AEBP1: variants seen among roughly 807,000 people sequenced by gnomAD.
The protein encoded by AEBP1 is adipocyte enhancer-binding protein 1.
A neutral mutation model predicts 116.5 loss-of-function variants in AEBP1; 69 were observed. That is an observed-to-expected ratio of 0.59 (90% CI 0.49 to 0.72). AEBP1 has a LOEUF of 0.72. AEBP1 is among the 30% of genes least tolerant of loss of function. The probability of loss-of-function intolerance (pLI) is 0.00; values close to 1 mark genes in which losing one functional copy is unlikely to be tolerated. For missense variants in AEBP1, 1,444 were observed against 1,557.5 expected (o/e 0.93, Z 1.23); for synonymous variants, 627 against 627.3 (o/e 1.00, Z 0.01).
At position 44,108,209 on chromosome 7, in the gene AEBP1, C is replaced by T. The variant is rs2096225175; in HGVS notation, c.940+125C>T. ...ACCCCACCTGTGCCCGTGGTTACCTCGCTGTCCCTGCTGTCCCTGCGTGCC... is the reference window on the plus strand; with the variant it reads ...ACCCCACCTGTGCCCGTGGTTACCTTGCTGTCCCTGCTGTCCCTGCGTGCC... On this transcript the variant is annotated intron_variant, in intron 6 of 20. Coordinates refer to ENST00000223357, the MANE Select transcript of AEBP1 (RefSeq NM_001129.5). This position sits in a 1 kb window ranked among gnomAD's most constrained non-coding sequence, Gnocchi z 5.0. 3 of 929,654 alleles carry T rather than the reference C, an allele frequency of 3.2e-6. No individual in the cohort carries two copies. The highest frequency in any genetic ancestry group is 1.6e-5 in the African/African-American group (1 of 61,408). The allele number at this position is 929,654 out of a possible 1,614,324, so 57.6% of individuals were successfully genotyped here.
rs373271692 is a variant in AEBP1 at position 44,111,129 on chromosome 7, A to G, written c.1631-25A>G. 1.3e-5 allele frequency: 21 copies of G among 1,570,664 alleles called. No homozygotes were observed. Among genetic ancestry groups the G allele is most frequent in the Non-Finnish European group, 1.6e-5 (18 of 1,155,474 alleles). On this transcript the variant is annotated intron_variant, in intron 13 of 20. Coordinates refer to ENST00000223357, the MANE Select transcript of AEBP1 (RefSeq NM_001129.5). The surrounding 1 kb of genome is among the most constrained non-coding windows in gnomAD (Gnocchi z 4.7). ...AGGGTGGGCCAGCCGGCACCCAGCTAAAGACAACCCCGCCTCCCTTGCAGC... is the reference window on the plus strand; with the variant it reads ...AGGGTGGGCCAGCCGGCACCCAGCTGAAGACAACCCCGCCTCCCTTGCAGC...
chr7:44,110,827 G>T lies in AEBP1; in HGVS notation c.1485+18G>T. 6.3e-7 allele frequency: 1 copy of T among 1,591,402 alleles called. No homozygotes were observed. The highest frequency in any genetic ancestry group is 2.3e-5 in the East Asian group (1 of 44,438). On this transcript the variant is annotated intron_variant, in intron 12 of 20. Coordinates refer to ENST00000223357, the MANE Select transcript of AEBP1 (RefSeq NM_001129.5). The stretch of plus-strand genomic sequence containing the variant: ...AGGAAATGGTGGGCACCATGCCCAG[G>T]CTCTTGGCTCTGCTCCCATTGTCTG...
rs1172666417 is a variant in AEBP1 at position 44,107,735 on chromosome 7, A to G, written c.739+35A>G. ...GTCCTGCCAGCCCCACCTGGGTCGG[A>G]CCCCTGGCCTGGGGGATGTGCCAAT... On this transcript the variant is annotated intron_variant, in intron 4 of 20. Coordinates refer to ENST00000223357, the MANE Select transcript of AEBP1 (RefSeq NM_001129.5). The surrounding 1 kb of genome is among the most constrained non-coding windows in gnomAD (Gnocchi z 4.3). 3 of 1,612,696 alleles carry G rather than the reference A, an allele frequency of 1.9e-6. No individual in the cohort carries two copies. Among genetic ancestry groups the G allele is most frequent in the South Asian group, 2.2e-5 (2 of 91,054 alleles).
rs1583556567 is a variant in AEBP1, at chr7:44,113,482, T to G, written c.2810-112T>G. 1.8e-5 allele frequency: 13 copies of G among 730,836 alleles called. No homozygotes were observed. Among genetic ancestry groups the G allele is most frequent in the Admixed American group, 5.2e-5 (1 of 19,104 alleles). 45.3% of individuals were successfully genotyped at this position (730,836 alleles called of 1,614,324 possible). The stretch of plus-strand genomic sequence containing the variant: ...GGCGAAATTCAGAGAGGGAGGGCGG[T>G]GCTGGGGGCGGGAACTCAGAGGGGG... On this transcript the variant is annotated intron_variant, in intron 20 of 20. Transcript: ENST00000223357. This position sits in a 1 kb window ranked among gnomAD's most constrained non-coding sequence, Gnocchi z 5.3.
chr7:44,108,953 C>A lies in AEBP1; in HGVS notation c.995C>A (p.Thr332Lys), dbSNP rs532526583. Residue 332 changes from threonine (T) to lysine (K), a missense_variant, in exon 7 of 21, where the codon ACA becomes AAA. Transcript: ENST00000223357. The surrounding 1 kb of genome is among the most constrained non-coding windows in gnomAD (Gnocchi z 5.0). ...CAGAAGCCCGATGCTGAGCGCCAGA[C>A]AGACGAAGAGAAGGAGGAGCTGAGT... ...PPQKPDAERQ[T>K]DEEKEELKKP... 20 of 1,603,142 alleles carry A rather than the reference C, an allele frequency of 1.2e-5. No homozygotes were observed. The highest frequency in any genetic ancestry group is 1.6e-5 in the Non-Finnish European group (19 of 1,175,690).
chr7:44,111,916 T>C lies in AEBP1; in HGVS notation c.1903T>C (p.Leu635=). 1 of 1,613,818 alleles carries C rather than the reference T, an allele frequency of 6.2e-7. No individual in the cohort carries two copies. Among genetic ancestry groups the C allele is most frequent in the African/African-American group, 1.3e-5 (1 of 75,048 alleles). Residue 635 remains leucine, a synonymous_variant, in exon 16 of 21, where the codon TTG becomes CTG. Coordinates refer to ENST00000223357, the MANE Select transcript of AEBP1 (RefSeq NM_001129.5). The surrounding 1 kb of genome is among the most constrained non-coding windows in gnomAD (Gnocchi z 4.7). ...HGNEVLGREL[L]LLLMQYLCRE... is the part of the protein sequence containing the mutation. ...CAACGAGGTGCTGGGCCGAGAGCTG[T>C]TGCTGCTGCTCATGCAGTACCTGTG...
Position 44,114,535 on chromosome 7 carries a change from C to A in AEBP1, c.*274C>A. 1.6e-6 allele frequency: 1 copy of A among 618,648 alleles called. No homozygotes were observed. The highest frequency in any genetic ancestry group is 2.8e-6 in the Non-Finnish European group (1 of 355,466). The allele number at this position is 618,648 out of a possible 1,614,324, so 38.3% of individuals were successfully genotyped here. A position where few individuals can be genotyped will look rare whatever the true frequency, so the allele number is the denominator to read the frequency against. On this transcript the variant is annotated 3_prime_UTR_variant, in exon 21 of 21. Transcript: ENST00000223357. Reference sequence around the variant, plus strand: ...AGGGGCAGAGGGAGGGAGCCAAGGTCACTCCAATAAAACAAGCTCATGGCA... The same window carrying A: ...AGGGGCAGAGGGAGGGAGCCAAGGTAACTCCAATAAAACAAGCTCATGGCA...
At chr7:44,106,914 T>TG (rs1422037582) in intron 2 of AEBP1, 27 bp downstream of exon 2, 53 of 1,493,396 alleles carry the variant, frequency 3.5e-5, no homozygotes, top group Non-Finnish European at 4.6e-5. Flanking sequence ...TCTGGGGTGA[T>TG]GGGGCTCTGA....
chr7:44,112,264 C>G lies in AEBP1; in HGVS notation c.2160C>G (p.Tyr720Ter). 1 of 1,595,084 alleles carries G rather than the reference C, an allele frequency of 6.3e-7. No individual in the cohort carries two copies. Among genetic ancestry groups the G allele is most frequent in the Non-Finnish European group, 8.6e-7 (1 of 1,168,036 alleles). ...CTGAGGAGAGGAAATGGGTCCCCTA[C>G]CGGGTCCCCAACAATAACTTGCCCA... ...WGAEERKWVPYRVPNNNLPIP... is the reference protein window; with the variant it reads ...WGAEERKWVP The change falls in exon 17 of 21, where the codon TAC (tyrosine) becomes TAG (stop). Residue 720 changes from tyrosine to a stop codon, truncating the protein, a stop_gained. Coordinates refer to ENST00000223357, the MANE Select transcript of AEBP1 (RefSeq NM_001129.5). LOFTEE classifies it high-confidence loss of function. This position sits in a 1 kb window ranked among gnomAD's most constrained non-coding sequence, Gnocchi z 6.6.
In AEBP1 at chr7:44,107,673, C is replaced by A. The variant is rs142763648; in HGVS notation, c.712C>A (p.Gln238Lys). The change falls in exon 4 of 21, where the codon CAG (glutamine) becomes AAG (lysine). Residue 238 changes from glutamine (Q) to lysine (K), a missense_variant. By Grantham distance (53) the Gln-to-Lys change is moderately conservative (BLOSUM62 1). Coordinates refer to ENST00000223357, the MANE Select transcript of AEBP1 (RefSeq NM_001129.5). The surrounding 1 kb of genome is among the most constrained non-coding windows in gnomAD (Gnocchi z 4.3). ...TEQPTLDYND[Q>K]IEREDYEDFE... Reference sequence around the variant, plus strand: ...GCAACCCACACTGGACTACAATGACCAGATCGAGAGGGAGGACTATGAGGA... The same window carrying A: ...GCAACCCACACTGGACTACAATGACAAGATCGAGAGGGAGGACTATGAGGA... 3.7e-5 allele frequency: 59 copies of A among 1,613,548 alleles called. No homozygotes were observed. The highest frequency in any genetic ancestry group is 4.9e-5 in the Non-Finnish European group (58 of 1,179,958).
chr7:44,110,485 C>A, intron 11 of AEBP1, 139 bp downstream of exon 11: 1 of 1,308,948 alleles, frequency 7.6e-7, no homozygotes, highest in Non-Finnish European at 1.0e-6. Context: ...GGGACTCACC[C>A]TGCCCATCCC....
rs1168702609 is a variant in AEBP1 at position 44,113,073 on chromosome 7, T to C, written c.2652T>C (p.Ser884=). The C allele has an allele frequency of 6.2e-7, 1 of 1,613,750 alleles. No individual in the cohort carries two copies. The highest frequency in any genetic ancestry group is 1.3e-5 in the African/African-American group (1 of 74,824). Residue 884 remains serine (S), a synonymous_variant, in exon 19 of 21, where the codon AGT becomes AGC. Coordinates refer to ENST00000223357, the MANE Select transcript of AEBP1 (RefSeq NM_001129.5). The surrounding 1 kb of genome is among the most constrained non-coding windows in gnomAD (Gnocchi z 5.3). ...GCTGTGACAAGTTCCCTCATGAGAG[T>C]GAGCTGCCCCGCGAGTGGGAGAACA... ...YLGCDKFPHE[S]ELPREWENNK... is the part of the protein sequence containing the mutation.
rs1479924768 is a variant in AEBP1 at position 44,108,141 on chromosome 7, G to A, written c.940+57G>A. The stretch of plus-strand genomic sequence containing the variant: ...CATAGGCAGGTGGGGGTCGGGGCTG[G>A]GGTGTGGTCAGGAGCCAGCTGGGGC... On this transcript the variant is annotated intron_variant, in intron 6 of 20. Transcript: ENST00000223357. This position sits in a 1 kb window ranked among gnomAD's most constrained non-coding sequence, Gnocchi z 5.0. 5.9e-6 allele frequency: 9 copies of A among 1,526,864 alleles called. No homozygotes were observed. The highest frequency in any genetic ancestry group is 4.1e-5 in the African/African-American group (3 of 72,582). 94.6% of individuals were successfully genotyped at this position (1,526,864 alleles called of 1,614,324 possible). A position where few individuals can be genotyped will look rare whatever the true frequency, so the allele number is the denominator to read the frequency against.
At position 44,104,793 on chromosome 7, in the gene AEBP1, C is replaced by T; in HGVS notation, c.128C>T (p.Ser43Leu). Residue 43 changes from serine to leucine, a missense_variant, in exon 1 of 21, where the codon TCA becomes TTA. Physicochemically the swap from Ser to Leu is moderately radical, Grantham distance 145. Transcript: ENST00000223357. ...EIEEFLEGFL[S>L]ELEPEPREDD... ...GAGGAGTTCCTCGAGGGCTTCCTGTCAGAGCTAGAACCTGAGCCCCGGGAG... is the reference window on the plus strand; with the variant it reads ...GAGGAGTTCCTCGAGGGCTTCCTGTTAGAGCTAGAACCTGAGCCCCGGGAG... The T allele has an allele frequency of 1.2e-6, 2 of 1,610,734 alleles. No homozygotes were observed. The highest frequency in any genetic ancestry group is 2.2e-5 in the South Asian group (2 of 90,728).
In AEBP1 at chr7:44,107,811, G is replaced by A. The variant is rs760817355; in HGVS notation, c.742G>A (p.Glu248Lys). 6.2e-7 allele frequency: 1 copy of A among 1,612,032 alleles called. No homozygotes were observed. Among genetic ancestry groups the A allele is most frequent in the South Asian group, 1.1e-5 (1 of 91,014 alleles). The change falls in exon 5 of 21, where the codon GAG (glutamate) becomes AAG (lysine). Residue 248 changes from glutamate to lysine, a missense_variant and splice_region_variant. Coordinates refer to ENST00000223357, the MANE Select transcript of AEBP1 (RefSeq NM_001129.5). This position sits in a 1 kb window ranked among gnomAD's most constrained non-coding sequence, Gnocchi z 4.3. Reference protein sequence around the residue: ...QIEREDYEDFEYIRRQKQPRP... With the variant: ...QIEREDYEDFKYIRRQKQPRP... ...CTCTGAGCCAGCCTCCCCCTCAGTT[G>A]AGTACATTCGGCGCCAGAAGCAACC...
rs934991572 is a variant in AEBP1, at chr7:44,112,164, C to T, written c.2060C>T (p.Ala687Val). The T allele has an allele frequency of 3.1e-6, 5 of 1,600,886 alleles. No homozygotes were observed. The South Asian group carries it at 4.4e-5, about 14-fold the overall frequency. ...AQMGSEFGNW[A>V]LGLWTEEGFD... ...CAGGGCTCAGAGTTTGGGAACTGGG[C>T]GCTGGGACTGTGGACTGAGGAGGGC... Residue 687 changes from alanine (A) to valine (V), a missense_variant, in exon 17 of 21, where the codon GCG (alanine) becomes GTG (valine). Transcript: ENST00000223357. This position sits in a 1 kb window ranked among gnomAD's most constrained non-coding sequence, Gnocchi z 6.6.
chr7:44,112,714 GC>G lies in AEBP1; in HGVS notation c.2377del (p.Arg793GlyfsTer34). ...EQLLAAAMAA[A>X]RGEDEDEVSE... The stretch of plus-strand genomic sequence containing the variant: ...GCTGCTGGCCGCAGCCATGGCAGCA[GC>G]CCGGGGGGAGGATGAGGACGAGGTC... On this transcript the variant is annotated frameshift_variant, in exon 18 of 21. Transcript: ENST00000223357. LOFTEE classifies it high-confidence loss of function. This position sits in a 1 kb window ranked among gnomAD's most constrained non-coding sequence, Gnocchi z 6.6. 6.2e-7 allele frequency: 1 copy of G among 1,613,276 alleles called. No homozygotes were observed. Among genetic ancestry groups the G allele is most frequent in the Non-Finnish European group, 8.5e-7 (1 of 1,179,986 alleles).
rs1225953094 is a variant in AEBP1 at position 44,108,972 on chromosome 7, G to A, written c.1014G>A (p.Glu338=). 4.4e-6 allele frequency: 7 copies of A among 1,605,104 alleles called. No homozygotes were observed. The highest frequency in any genetic ancestry group is 6.0e-6 in the Non-Finnish European group (7 of 1,176,456). ...GCCAGACAGACGAAGAGAAGGAGGA[G>A]CTGAGTGAGTGGGACCAAGGACTTC... The part of the protein sequence containing the change: ...AERQTDEEKE[E]LKKPKKEDSS... Residue 338 remains glutamate (E), a synonymous_variant, in exon 7 of 21, where the codon GAG becomes GAA. Coordinates refer to ENST00000223357, the MANE Select transcript of AEBP1 (RefSeq NM_001129.5). The surrounding 1 kb of genome is among the most constrained non-coding windows in gnomAD (Gnocchi z 5.0).
rs1219261974 is a variant in AEBP1, at chr7:44,104,820, A to G, written c.155A>G (p.Asp52Gly). The change falls in exon 1 of 21, where the codon GAC becomes GGC. Residue 52 changes from aspartate to glycine, a missense_variant. By Grantham distance (94) the Asp-to-Gly change is moderately conservative. Coordinates refer to ENST00000223357, the MANE Select transcript of AEBP1 (RefSeq NM_001129.5). Reference sequence around the variant, plus strand: ...GAGCTAGAACCTGAGCCCCGGGAGGACGACGTGGAGGCCCCGCCGCCTCCC... The same window carrying G: ...GAGCTAGAACCTGAGCCCCGGGAGGGCGACGTGGAGGCCCCGCCGCCTCCC... ...LSELEPEPREDDVEAPPPPEP... is the reference protein window; with the variant it reads ...LSELEPEPREGDVEAPPPPEP... The G allele has an allele frequency of 6.2e-7, 1 of 1,603,242 alleles. No homozygotes were observed. Among genetic ancestry groups the G allele is most frequent in the Non-Finnish European group, 8.5e-7 (1 of 1,175,892 alleles).
Sources: allele counts gnomAD v4.1 joint callset, GRCh38; gene constraint gnomAD v4.1.1; non-coding constraint Gnocchi (gnomAD v3.1); transcripts MANE v1.5; gene names NCBI Gene and HGNC (gene_info 2026-07-23, HGNC 2026-07-21).